Variants in ACTG2 observed in about 807,000 individuals in gnomAD.
ACTG2 encodes actin, gamma-enteric smooth muscle.
In ACTG2, 16 loss-of-function variants were observed where a neutral mutation model predicts 37.6. The observed-to-expected ratio is 0.43, with a 90% CI of 0.29 to 0.65. The LOEUF (loss-of-function observed/expected upper bound fraction) is 0.65. Among genes scored for constraint, ACTG2 ranks in the 30% least tolerant of loss-of-function variants. ACTG2 has a pLI of 0.18. For synonymous variants in ACTG2, 181 were observed against 179.9 expected, an observed-to-expected ratio of 1.01 and a Z score of -0.05; for missense variants, 238 against 490.9, an observed-to-expected ratio of 0.48 and a Z score of 4.87.
intron 3 of ACTG2, among the ~76,000 whole-genome samples, chr2:73,904,472 A>G (rs1573465010): frequency 6.6e-6 from 1 of 151,518 alleles, no homozygotes; most frequent in Non-Finnish European, 1.5e-5. Flanking sequence ...AGCCTGGCCA[A>G]CCAACATGGT....
rs58042852 is a variant in ACTG2 at position 73,901,532 on chromosome 2, ATGTGTGTGTGTGTGTGTGTG to A, written c.126+125_126+144del. The A allele has an allele frequency of 9.6e-6, 11 of 1,144,926 alleles. No individual in the cohort carries two copies. The African/African-American group carries it at 1.3e-4, about 14-fold the overall frequency. 70.9% of individuals were successfully genotyped at this position (1,144,926 alleles called of 1,614,324 possible). A position where few individuals can be genotyped will look rare whatever the true frequency, so the allele number is the denominator to read the frequency against. ...CTGAGCTGGGGGTTAGGGGAAGGAAATGTGTGTGTGTGTGTGTGTGTGTGTGTGTGTGTGTGTGTGTGTGT... is the reference window on the plus strand; with the variant it reads ...CTGAGCTGGGGGTTAGGGGAAGGAAATGTGTGTGTGTGTGTGTGTGTGTGT... On this transcript the variant is annotated intron_variant, in intron 2 of 8. Coordinates refer to ENST00000345517, the MANE Select transcript of ACTG2 (RefSeq NM_001615.4).
intron 6 of ACTG2, 60 bp from the exon 7 acceptor site, chr2:73,914,620 A>G: frequency 7.3e-7 from 1 of 1,375,920 alleles, no homozygotes; most frequent in South Asian, 1.7e-5. Context: ...GGAGATCAAA[A>G]TGGGACAACC....
chr2:73,898,124 T>C (rs1410180089), intron 1 of ACTG2, among the ~76,000 whole-genome samples: 1 of 151,770 alleles, frequency 6.6e-6, no homozygotes, highest in Non-Finnish European at 1.5e-5. Context: ...TTAGGGTGCT[T>C]GCTGCCAACC....
intron 2 of ACTG2, 185 bp downstream of exon 2, chr2:73,901,622 G>C: frequency 9.0e-7 from 1 of 1,105,238 alleles, no homozygotes; most frequent in East Asian, 2.8e-5. Context: ...ATGCACATGC[G>C]TGTGTGCACG....
chr2:73,908,545 C>T, intron 3 of ACTG2, 128 bp from the exon 4 acceptor site: 1 of 799,032 alleles, frequency 1.3e-6, no homozygotes, highest in Non-Finnish European at 2.0e-6. Context: ...CAGGGCTGAC[C>T]ATTCTCCTCT....
chr2:73,918,157 C>T (rs1357998260), intron 8 of ACTG2, among the ~76,000 whole-genome samples: 1 of 152,096 alleles, frequency 6.6e-6, no homozygotes, highest in Admixed American at 6.6e-5. Flanking sequence ...CAAATGTGTC[C>T]AGGCAGGTGT....
At chr2:73,911,462 A>C (rs1019163065) in intron 5 of ACTG2, among the ~76,000 whole-genome samples, 2 of 152,048 alleles carry the variant, frequency 1.3e-5, no homozygotes, top group African/African-American at 4.8e-5. Flanking sequence ...TCACCACTGC[A>C]CTCCAGCCTG....
chr2:73,908,542 G>C, intron 3 of ACTG2, 131 bp from the exon 4 acceptor site: 1 of 786,306 alleles, frequency 1.3e-6, no homozygotes, highest in Non-Finnish European at 2.0e-6. Flanking sequence ...TTCCAGGGCT[G>C]ACCATTCTCC....
chr2:73,914,613 G>T, intron 6 of ACTG2, 67 bp from the exon 7 acceptor site: 7 of 1,224,282 alleles, frequency 5.7e-6, no homozygotes, highest in Non-Finnish European at 7.8e-6. Flanking sequence ...TTTTCATGGA[G>T]ATCAAAATGG....
intron 1 of ACTG2, among the ~76,000 whole-genome samples, chr2:73,899,880 G>T (rs1414451754): frequency 6.6e-6 from 1 of 152,186 alleles, no homozygotes; most frequent in Non-Finnish European, 1.5e-5. Flanking sequence ...GTCACAGCAG[G>T]CCTCTCCCCT....
intron 8 of ACTG2, among the ~76,000 whole-genome samples, chr2:73,919,004 T>A (rs1467501998): frequency 6.6e-6 from 1 of 152,200 alleles, no homozygotes; most frequent in Non-Finnish European, 1.5e-5. Flanking sequence ...CTTGGCTAAG[T>A]AAGTGGCTCT....
intron 2 of ACTG2, 86 bp downstream of exon 2, chr2:73,901,523 G>A: frequency 1.5e-6 from 2 of 1,345,066 alleles, no homozygotes; most frequent in South Asian, 1.4e-5. Context: ...TGGGGGTTAG[G>A]GGAAGGAAAT....
At chr2:73,904,771 GTGTGTGTATATATATATATATATA>G (rs1289492854) in intron 3 of ACTG2, among the ~76,000 whole-genome samples, 479 of 20,076 alleles carry the variant, frequency 0.024, 3 homozygotes, top group African/African-American at 0.053. Context: ...GTGTGTGTGT[GTGTGTGTATATATATATATATATA>G]TATATATATA....
At chr2:73,901,211 A>G in intron 1 of ACTG2, 65 bp from the exon 2 acceptor site, 1 of 1,337,916 alleles carries the variant, frequency 7.5e-7, no homozygotes, top group South Asian at 1.6e-5. Context: ...CCCCAAAGCC[A>G]AGAAACTGTC....
intron 1 of ACTG2, among the ~76,000 whole-genome samples, chr2:73,900,304 G>C (rs889755202): frequency 6.6e-6 from 1 of 152,152 alleles, no homozygotes; most frequent in African/African-American, 2.4e-5. Flanking sequence ...ACTGTCTTCC[G>C]AGGCTCTGTT....
chr2:73,902,228 G>C lies in ACTG2; in HGVS notation c.127-132G>C, dbSNP rs978210934. On this transcript the variant is annotated intron_variant, in intron 2 of 8. Transcript: ENST00000345517. Reference sequence around the variant, plus strand: ...TGGCATCTGCTCCATCCTGTCTCCTGCTATCCTGTTTCTGGGGGAAGAAAG... The same window carrying C: ...TGGCATCTGCTCCATCCTGTCTCCTCCTATCCTGTTTCTGGGGGAAGAAAG... 26 of 1,050,922 alleles carry C rather than the reference G, an allele frequency of 2.5e-5. No individual in the cohort carries two copies. In the Admixed American group the frequency reaches 5.4e-4, roughly 22 times the overall value. 65.1% of individuals were successfully genotyped at this position (1,050,922 alleles called of 1,614,324 possible). A position where few individuals can be genotyped will look rare whatever the true frequency, so the allele number is the denominator to read the frequency against.
rs61362643 is a variant in ACTG2 at position 73,903,939 on chromosome 2, C to CAA, written c.255+1470_255+1471dup. ...TGGGTGACAGAGTGAGACTCCGTCT[C>CAA]AAAAAAAAAAAAAAAAAAAACAAAA... On this transcript the variant is annotated intron_variant, in intron 3 of 8. Transcript: ENST00000345517. Among the ~76,000 whole-genome samples the CAA allele has an allele frequency of 2.1e-3, 188 of 89,980 alleles. 2 individuals carry two copies. Among genetic ancestry groups the CAA allele is most frequent in the African/African-American group, 5.8e-3 (137 of 23,514 alleles). 59.0% of individuals were successfully genotyped at this position (89,980 alleles called of 152,430 possible). A position where few individuals can be genotyped will look rare whatever the true frequency, so the allele number is the denominator to read the frequency against.
Position 73,908,664 on chromosome 2 carries a change from C to T in ACTG2, c.256-9C>T. 7 of 1,592,194 alleles carry T rather than the reference C, an allele frequency of 4.4e-6. No homozygotes were observed. The highest frequency in any genetic ancestry group is 6.0e-6 in the Non-Finnish European group (7 of 1,169,750). ...TCTGCCAGGCTCATATGGCTTTTGT[C>T]TCCACTAGATCTGGCACCACTCCTT... On this transcript the variant is annotated splice_polypyrimidine_tract_variant and intron_variant, in intron 3 of 8. Coordinates refer to ENST00000345517, the MANE Select transcript of ACTG2 (RefSeq NM_001615.4).
At chr2:73,909,249 G>C in intron 5 of ACTG2, 110 bp downstream of exon 5, 1 of 968,556 alleles carries the variant, frequency 1.0e-6, no homozygotes, top group Non-Finnish European at 1.6e-6. Context: ...CTGAAGTCCA[G>C]GCAAAATCTT....
Sources: gnomAD v4.1 joint callset for allele counts (sites outside exome capture counted in the v4.1 genomes callset) on GRCh38, gnomAD v4.1.1 for gene constraint, MANE v1.5 for transcripts, NCBI Gene and HGNC (gene_info 2026-07-23, HGNC 2026-07-21) for gene names.